GRID2: variants seen among roughly 807,000 people sequenced by gnomAD.
The protein encoded by GRID2 is glutamate ionotropic receptor delta type subunit 2.
GRID2 carries 33 observed loss-of-function variants against 114.8 expected under a neutral mutation model. The observed-to-expected ratio is 0.29, with a 90% confidence interval of 0.22 to 0.38. The LOEUF is 0.38. Ranked by LOEUF, GRID2 falls within the 10% of genes least tolerant of loss-of-function variation. The probability of loss-of-function intolerance (pLI) is 1.00; values close to 1 mark genes in which losing one functional copy is unlikely to be tolerated. For synonymous variants in GRID2, 505 were observed against 449.9 expected, an observed-to-expected ratio of 1.12 and a Z score of -1.55; for missense variants, 1,184 against 1,257.7, an observed-to-expected ratio of 0.94 and a Z score of 0.89.
chr4:92,755,685 A>C (rs1186089855), intron 2 of GRID2, among the ~76,000 whole-genome samples: 1 of 152,160 alleles, frequency 6.6e-6, no homozygotes, highest in Non-Finnish European at 1.5e-5. Flanking sequence ...GATAAAACAG[A>C]GTTGTTAAAG....
At chr4:93,327,104 G>A (rs1417201510) in intron 8 of GRID2, among the ~76,000 whole-genome samples, 2 of 152,014 alleles carry the variant, frequency 1.3e-5, no homozygotes, top group Non-Finnish European at 2.9e-5. Context: ...CTTCTCTTAT[G>A]TATTTATATT....
intron 4 of GRID2, among the ~76,000 whole-genome samples, chr4:93,165,833 T>A (rs1209214603): frequency 6.6e-6 from 1 of 152,070 alleles, no homozygotes; most frequent in Non-Finnish European, 1.5e-5. Context: ...CAAAACCACC[T>A]ATTAGAACCA....
rs191742005 is a variant in GRID2 at position 92,899,925 on chromosome 4, C to T, written c.245-185070C>T. The stretch of plus-strand genomic sequence containing the variant: ...TGGAGGAGAGTTGCTTGTAATTAGT[C>T]CTAGCCCTCGTCAAGGAGGTGAGGG... On this transcript the variant is annotated intron_variant, in intron 2 of 15. Transcript: ENST00000282020. 8.5e-4 allele frequency among the ~76,000 whole-genome samples: 129 copies of T among 152,142 alleles called. No homozygotes were observed. In the Middle Eastern group the frequency reaches 0.02, roughly 24 times the overall value.
intron 2 of GRID2, among the ~76,000 whole-genome samples, chr4:92,606,438 T>TG (rs1375497557): frequency 6.6e-6 from 1 of 152,022 alleles, no homozygotes; most frequent in Non-Finnish European, 1.5e-5. Context: ...GTCTGCTGAT[T>TG]GGGAGGTTCA....
intron 13 of GRID2, among the ~76,000 whole-genome samples, chr4:93,533,295 TTCCTTCCTTCC>T (rs1560722468): frequency 3.4e-5 from 5 of 145,318 alleles, no homozygotes; most frequent in African/African-American, 7.6e-5. Context: ...CCTTCCTTCC[TTCCTTCCTTCC>T]TTCCTTCCTT....
chr4:92,529,322 C>A (rs1305984577), intron 1 of GRID2, among the ~76,000 whole-genome samples: 1 of 151,926 alleles, frequency 6.6e-6, no homozygotes, highest in East Asian at 1.9e-4. Flanking sequence ...ATCGTTCAGC[C>A]ACGTAATAGG....
At chr4:92,376,197 C>A (rs1227858814) in intron 1 of GRID2, among the ~76,000 whole-genome samples, 1 of 152,006 alleles carries the variant, frequency 6.6e-6, no homozygotes, top group Non-Finnish European at 1.5e-5. Context: ...GAAGTCCCAG[C>A]TACTCAGAAG....
At chr4:92,792,662 A>G (rs1255521761) in intron 2 of GRID2, among the ~76,000 whole-genome samples, 1 of 151,836 alleles carries the variant, frequency 6.6e-6, no homozygotes, top group Non-Finnish European at 1.5e-5. Flanking sequence ...CTTTAGTGAA[A>G]ACAAAGTTTG....
intron 1 of GRID2, among the ~76,000 whole-genome samples, chr4:92,360,956 G>A (rs1728590409): frequency 6.6e-6 from 1 of 151,944 alleles, no homozygotes; most frequent in Admixed American, 6.6e-5. Context: ...CTTGGTGACT[G>A]ATAAGTTGCT....
chr4:93,390,610 T>C (rs1235780108), intron 8 of GRID2, among the ~76,000 whole-genome samples: 1 of 152,108 alleles, frequency 6.6e-6, no homozygotes, highest in Non-Finnish European at 1.5e-5. Flanking sequence ...TTATCTGAAC[T>C]GGTATGCTAT....
At chr4:92,755,710 A>G (rs1737682122) in intron 2 of GRID2, among the ~76,000 whole-genome samples, 2 of 152,226 alleles carry the variant, frequency 1.3e-5, no homozygotes, top group Admixed American at 1.3e-4. Flanking sequence ...AAGCCTTTCA[A>G]GATACTATCA....
At chr4:92,354,142 C>A (rs1359138829) in intron 1 of GRID2, among the ~76,000 whole-genome samples, 1 of 151,962 alleles carries the variant, frequency 6.6e-6, no homozygotes, top group Non-Finnish European at 1.5e-5. Flanking sequence ...CCTCCAGAAC[C>A]AGGGACCAGC....
intron 2 of GRID2, among the ~76,000 whole-genome samples, chr4:93,047,487 T>C (rs1726262779): frequency 6.6e-6 from 1 of 151,914 alleles, no homozygotes; most frequent in Non-Finnish European, 1.5e-5. Context: ...TAGTTGCTGA[T>C]GTACTGTTAT....
intron 9 of GRID2, among the ~76,000 whole-genome samples, chr4:93,400,542 T>C (rs941450105): frequency 1.3e-5 from 2 of 152,162 alleles, no homozygotes; most frequent in Admixed American, 1.3e-4. Flanking sequence ...TTCATGGTAA[T>C]TCATGAAAAC....
chr4:92,957,488 C>T (rs1446224201), intron 2 of GRID2, among the ~76,000 whole-genome samples: 1 of 152,016 alleles, frequency 6.6e-6, no homozygotes, highest in South Asian at 2.1e-4. Flanking sequence ...TTTCTGGACT[C>T]TTTTCTGTTC....
chr4:92,951,532 A>T (rs1444615391), intron 2 of GRID2, among the ~76,000 whole-genome samples: 1 of 151,906 alleles, frequency 6.6e-6, no homozygotes, highest in Non-Finnish European at 1.5e-5. Context: ...TTGCTGAGAC[A>T]GGGTTTCAAC....
At chr4:93,060,047 A>C (rs1252284595) in intron 2 of GRID2, among the ~76,000 whole-genome samples, 1 of 152,080 alleles carries the variant, frequency 6.6e-6, no homozygotes, top group Non-Finnish European at 1.5e-5. Context: ...GTTTAAATTA[A>C]GATCAACAAA....
chr4:93,111,490 A>G (rs1732757269), intron 4 of GRID2, among the ~76,000 whole-genome samples: 1 of 152,140 alleles, frequency 6.6e-6, no homozygotes, highest in Admixed American at 6.6e-5. Flanking sequence ...GCATCCTCAA[A>G]TTTTTAATTG....
chr4:92,478,241 T>C (rs372145763), intron 1 of GRID2, among the ~76,000 whole-genome samples: 1 of 152,096 alleles, frequency 6.6e-6, no homozygotes, highest in African/African-American at 2.4e-5. Flanking sequence ...AAATAAAAAA[T>C]GTAAGTTACT....
Sources: gnomAD v4.1 joint callset for allele counts (sites outside exome capture counted in the v4.1 genomes callset) on GRCh38, gnomAD v4.1.1 for gene constraint, MANE v1.5 for transcripts, NCBI Gene and HGNC (gene_info 2026-07-23, HGNC 2026-07-21) for gene names.